RNF111: variants seen among roughly 807,000 people sequenced by gnomAD.
RNF111 encodes the protein E3 ubiquitin-protein ligase Arkadia.
RNF111 carries 17 observed loss-of-function variants against 95.1 expected under a neutral mutation model. The observed-to-expected ratio is 0.18, with a 90% CI of 0.12 to 0.27. The LOEUF (loss-of-function observed/expected upper bound fraction) is 0.27, where lower values mean the gene tolerates loss of function less well. RNF111 is among the 10% of genes least tolerant of loss of function. The pLI is 1.00. For synonymous variants in RNF111, 440 were observed against 414.8 expected (o/e 1.06, Z -0.74); for missense variants, 1,189 against 1,210.4 (o/e 0.98, Z 0.26).
intron 4 of RNF111, among the ~76,000 whole-genome samples, chr15:59,057,475 T>G (rs2042245241): frequency 6.6e-6 from 1 of 152,204 alleles, no homozygotes; most frequent in Non-Finnish European, 1.5e-5. Context: ...CATAGCACAT[T>G]AAGAGACCCC....
At chr15:59,024,304 C>A (rs570325834) in intron 1 of RNF111, among the ~76,000 whole-genome samples, 2 of 152,080 alleles carry the variant, frequency 1.3e-5, no homozygotes, top group East Asian at 3.9e-4. Flanking sequence ...CATTCTTTTA[C>A]AGATTAATGC....
chr15:59,001,736 A>G (rs559008495), intron 1 of RNF111, among the ~76,000 whole-genome samples: 15 of 152,352 alleles, frequency 9.8e-5, no homozygotes, highest in Admixed American at 5.9e-4. Flanking sequence ...CCTACAAAAC[A>G]TACATTATCA....
At position 59,080,982 on chromosome 15, in the gene RNF111, G is replaced by A. The variant is rs749588779; in HGVS notation, c.1995G>A (p.Pro665=). The stretch of plus-strand genomic sequence containing the variant: ...TTCATCATCAAGCTTCTGCCTGCCC[G>A]CATTCTCATGGAAACCCCCCTCCTC... ...RPLHHQASAC[P]HSHGNPPPQT... The change falls in exon 8 of 14, where the codon CCG becomes CCA. Residue 665 remains proline, a synonymous_variant. Transcript: ENST00000348370. 9.3e-6 allele frequency: 15 copies of A among 1,613,530 alleles called. No individual in the cohort carries two copies. Among genetic ancestry groups the A allele is most frequent in the South Asian group, 6.6e-5 (6 of 91,008 alleles).
At chr15:59,048,948 A>G (rs2041838804) in intron 2 of RNF111, among the ~76,000 whole-genome samples, 1 of 151,974 alleles carries the variant, frequency 6.6e-6, no homozygotes, top group Non-Finnish European at 1.5e-5. Flanking sequence ...CAAACAAACA[A>G]AAATTAGCTG....
chr15:59,007,239 C>T (rs2141498986), intron 1 of RNF111, among the ~76,000 whole-genome samples: 1 of 152,202 alleles, frequency 6.6e-6, no homozygotes, highest in South Asian at 2.1e-4. Flanking sequence ...GTCCTTTCCC[C>T]ATCCCTTGAA....
rs747092769 is a variant in RNF111, at chr15:59,081,246, G to T, written c.2259G>T (p.Arg753Ser). 6.2e-7 allele frequency: 1 copy of T among 1,614,104 alleles called. No individual in the cohort carries two copies. Among genetic ancestry groups the T allele is most frequent in the African/African-American group, 1.3e-5 (1 of 75,052 alleles). ...QRLHPHEVMQ[R>S]MEVQRRRMMQ... ...TGCATCCTCATGAAGTGATGCAGAG[G>T]ATGGAAGTTCAAAGGAGGAGGATGA... The change falls in exon 8 of 14, where the codon AGG (arginine) becomes AGT (serine). Residue 753 changes from arginine to serine, a missense_variant. Arg to Ser is a moderately radical substitution (Grantham distance 110). Transcript: ENST00000348370.
chr15:59,094,744 A>T, intron 13 of RNF111, 39 bp from the exon 14 acceptor site: 2 of 1,138,456 alleles, frequency 1.8e-6, no homozygotes, highest in Non-Finnish European at 2.7e-6. Flanking sequence ...CAATTATCAT[A>T]AAATTAATTT....
chr15:58,996,678 T>A (rs1324942409), intron 1 of RNF111, among the ~76,000 whole-genome samples: 21 of 97,340 alleles, frequency 2.2e-4, no homozygotes, highest in South Asian at 3.7e-4. Context: ...TTTTTTTTTT[T>A]ACCCAGGCAG....
intron 1 of RNF111, among the ~76,000 whole-genome samples, chr15:59,014,247 C>G (rs1415290856): frequency 1.3e-5 from 2 of 152,138 alleles, no homozygotes; most frequent in Admixed American, 1.3e-4. Flanking sequence ...TCTGGCACTA[C>G]CAGATGCTAC....
At chr15:59,073,812 AGAG>A (rs1186779168) in intron 6 of RNF111, among the ~76,000 whole-genome samples, 2 of 152,204 alleles carry the variant, frequency 1.3e-5, no homozygotes, top group African/African-American at 4.8e-5. Context: ...CAGATTGATC[AGAG>A]GAATTATTAT....
At position 59,066,788 on chromosome 15, in the gene RNF111, G is replaced by A. The variant is rs777141665; in HGVS notation, c.1391G>A (p.Ser464Asn). 8 of 1,613,674 alleles carry A rather than the reference G, an allele frequency of 5.0e-6. No individual in the cohort carries two copies. The highest frequency in any genetic ancestry group is 5.9e-6 in the Non-Finnish European group (7 of 1,179,860). The change falls in exon 6 of 14, where the codon AGT (serine) becomes AAT (asparagine). Residue 464 changes from serine (S) to asparagine (N), a missense_variant. Coordinates refer to ENST00000348370, the MANE Select transcript of RNF111 (RefSeq NM_017610.8). ...GATGACTCAAGGAGAACTACATCTA[G>A]TGCTGTAACGGAAACTGGCCCTCCT... is the stretch of plus-strand genomic sequence containing the variant. ...IGDDSRRTTS[S>N]AVTETGPPAM...
intron 2 of RNF111, among the ~76,000 whole-genome samples, chr15:59,049,152 A>G (rs1057457618): frequency 1.3e-5 from 2 of 151,976 alleles, no homozygotes; most frequent in African/African-American, 4.8e-5. Flanking sequence ...ATCTTCCAAA[A>G]CTGGAACTCT....
chr15:59,030,505 T>C (rs2040850287), intron 1 of RNF111, among the ~76,000 whole-genome samples: 1 of 152,222 alleles, frequency 6.6e-6, no homozygotes, highest in African/African-American at 2.4e-5. Context: ...AAATATGTTT[T>C]GTTGCTGAAG....
chr15:59,025,791 C>T (rs1478496242), intron 1 of RNF111, among the ~76,000 whole-genome samples: 1 of 151,478 alleles, frequency 6.6e-6, no homozygotes, highest in Non-Finnish European at 1.5e-5. Context: ...AGTGCAATGG[C>T]GCGATCTCGG....
chr15:58,988,779 G>C (rs576279892), intron 1 of RNF111, among the ~76,000 whole-genome samples: 1 of 152,304 alleles, frequency 6.6e-6, no homozygotes, highest in African/African-American at 2.4e-5. Flanking sequence ...ATTTGTTCGT[G>C]TGTGTGTTGT....
At chr15:59,075,778 T>A (rs2043139519) in intron 6 of RNF111, among the ~76,000 whole-genome samples, 176 bp from the exon 7 acceptor site, 1 of 152,258 alleles carries the variant, frequency 6.6e-6, no homozygotes, top group Non-Finnish European at 1.5e-5. Context: ...CTTGTTATAT[T>A]CAAGATAACC....
At chr15:59,069,297 G>A (rs1246752716) in intron 6 of RNF111, among the ~76,000 whole-genome samples, 4 of 152,156 alleles carry the variant, frequency 2.6e-5, no homozygotes, top group Non-Finnish European at 5.9e-5. Context: ...GAAAGGATCT[G>A]CTTGGAAGTA....
intron 7 of RNF111, among the ~76,000 whole-genome samples, chr15:59,079,556 A>C (rs943824021): frequency 1.3e-5 from 2 of 152,246 alleles, no homozygotes; most frequent in Non-Finnish European, 2.9e-5. Context: ...TAAAAATTGA[A>C]AACTTCTGTA....
At chr15:59,008,248 T>G (rs571795964) in intron 1 of RNF111, among the ~76,000 whole-genome samples, 5 of 152,342 alleles carry the variant, frequency 3.3e-5, no homozygotes, top group African/African-American at 1.2e-4. Context: ...ACAAGAGTCT[T>G]TCTCTGTTGC....
Sources: gnomAD v4.1 joint callset for allele counts (sites outside exome capture counted in the v4.1 genomes callset) on GRCh38, gnomAD v4.1.1 for gene constraint, MANE v1.5 for transcripts, NCBI Gene and HGNC (gene_info 2026-07-23, HGNC 2026-07-21) for gene names.